Variants in UNC13A observed in about 807,000 individuals in gnomAD.
UNC13A encodes the protein unc-13 homolog A, also known as protein unc-13 homolog A.
In UNC13A, 61 loss-of-function variants were observed where a neutral mutation model predicts 219.7. That is an observed-to-expected ratio of 0.28 (90% CI 0.23 to 0.34). The LOEUF (loss-of-function observed/expected upper bound fraction) is 0.34. Among genes scored for constraint, UNC13A ranks in the 10% least tolerant of loss-of-function variants. The probability of loss-of-function intolerance (pLI) is 1.00; values close to 1 mark genes in which losing one functional copy is unlikely to be tolerated. For missense variants in UNC13A, 1,476 were observed against 2,270.3 expected (o/e 0.65, Z 7.11); for synonymous variants, 920 against 884.6 (o/e 1.04, Z -0.71).
chr19:17,609,223 G>T (rs1263669000), intron 43 of UNC13A, among the ~76,000 whole-genome samples: 2 of 151,000 alleles, frequency 1.3e-5, no homozygotes, highest in African/African-American at 4.9e-5. Context: ...GTCTGCCTCG[G>T]CGTCCCAGAG....
At position 17,652,697 on chromosome 19, in the gene UNC13A, A is replaced by G. The variant is rs764515942; in HGVS notation, c.1393-20T>C. ...CCGGGCCTGCAGGACAGACAGACAG[A>G]TATGGTCAGTGTGGCTGTCCCTCCC... On this transcript the variant is annotated intron_variant, in intron 11 of 43. Transcript: ENST00000519716. 1.2e-6 allele frequency: 2 copies of G among 1,613,354 alleles called. No individual in the cohort carries two copies. Among genetic ancestry groups the G allele is most frequent in the Non-Finnish European group, 1.7e-6 (2 of 1,179,616 alleles).
intron 28 of UNC13A, among the ~76,000 whole-genome samples, chr19:17,631,981 G>A (rs1261436644): frequency 6.6e-6 from 1 of 152,180 alleles, no homozygotes; most frequent in Non-Finnish European, 1.5e-5. Context: ...TGCAATCTCG[G>A]CTCACTGCAA....
intron 12 of UNC13A, among the ~76,000 whole-genome samples, chr19:17,650,560 C>T (rs192592725): frequency 5.6e-4 from 86 of 152,234 alleles, no homozygotes; most frequent in African/African-American, 2.1e-3. Context: ...TCATTGCAAC[C>T]TCTGCCTCCC....
intron 38 of UNC13A, among the ~76,000 whole-genome samples, 186 bp downstream of exon 38, chr19:17,620,507 C>T (rs1396265065): frequency 2.0e-5 from 3 of 151,744 alleles, no homozygotes; most frequent in African/African-American, 7.3e-5. Context: ...ACCCTCTGCC[C>T]TACCCACCAA....
Position 17,656,416 on chromosome 19 carries a change from G to C in UNC13A, c.768-18C>G, listed in dbSNP as rs1022200814. 2.0e-6 allele frequency: 3 copies of C among 1,494,528 alleles called. No individual in the cohort carries two copies. Among genetic ancestry groups the C allele is most frequent in the Admixed American group, 4.3e-5 (2 of 46,612 alleles). 92.6% of individuals were successfully genotyped at this position (1,494,528 alleles called of 1,614,324 possible). The stretch of plus-strand genomic sequence containing the variant: ...CCGTGGGGCTGTGGGGATGGAACAG[G>C]GTTCAGGGACTGGGGTACCGAGTCA... On this transcript the variant is annotated intron_variant, in intron 9 of 43. Transcript: ENST00000519716.
chr19:17,639,267 C>T, intron 24 of UNC13A, 50 bp from the exon 25 acceptor site: 1 of 1,609,076 alleles, frequency 6.2e-7, no homozygotes, highest in South Asian at 1.1e-5. Flanking sequence ...ACAGGAGGTC[C>T]CCAGGAAGTG....
At chr19:17,623,225 G>A (rs78263316) in intron 36 of UNC13A, 5,653 of 372,196 alleles carry the variant, frequency 0.015, 123 homozygotes, top group African/African-American at 0.058. Context: ...ATCTGGGCAC[G>A]GGAGCAAGGT....
chr19:17,661,081 G>A (rs186512448), intron 8 of UNC13A, among the ~76,000 whole-genome samples: 151 of 149,870 alleles, frequency 1.0e-3, no homozygotes, highest in African/African-American at 3.5e-3. Context: ...TGGGACTACA[G>A]GGGCGTGCCA....
chr19:17,639,137 C>T lies in UNC13A; in HGVS notation c.3027G>A (p.Glu1009=), dbSNP rs1331816347. 6.2e-7 allele frequency: 1 copy of T among 1,613,688 alleles called. No individual in the cohort carries two copies. The highest frequency in any genetic ancestry group is 1.1e-5 in the South Asian group (1 of 91,014). The change falls in exon 25 of 44, where the codon GAG becomes GAA. Residue 1009 remains glutamate (E), a synonymous_variant. Coordinates refer to ENST00000519716, the MANE Select transcript of UNC13A (RefSeq NM_001080421.3). ...CVKACLNSTY[E]YIFNNCHELY... is the part of the protein sequence containing the mutation. ...GTTCATGGCAGTTATTGAAGATGTACTCGTAGGTAGAATTAAGGCAGGCTT... is the reference window on the plus strand; with the variant it reads ...GTTCATGGCAGTTATTGAAGATGTATTCGTAGGTAGAATTAAGGCAGGCTT...
chr19:17,618,372 A>T, intron 40 of UNC13A, 49 bp downstream of exon 40: 1 of 1,541,640 alleles, frequency 6.5e-7, no homozygotes, highest in Non-Finnish European at 8.8e-7. Context: ...CACAGCAGCC[A>T]CACCCTCTAC....
chr19:17,663,497 T>C, intron 8 of UNC13A, 35 bp downstream of exon 8: 1 of 1,610,968 alleles, frequency 6.2e-7, no homozygotes, highest in South Asian at 1.1e-5. Flanking sequence ...CCTTCCCATG[T>C]AACTCCCAGA....
At position 17,626,795 on chromosome 19, in the gene UNC13A, C is replaced by A; in HGVS notation, c.3921-10G>T. The A allele has an allele frequency of 6.2e-7, 1 of 1,608,144 alleles. No individual in the cohort carries two copies. Among genetic ancestry groups the A allele is most frequent in the African/African-American group, 1.3e-5 (1 of 74,952 alleles). ...AATGTGCGGCTGGAAGCTGGGGACA[C>A]AGAAGGGAAGGGCTCAGACCACAGG... On this transcript the variant is annotated splice_polypyrimidine_tract_variant and intron_variant, in intron 33 of 43. Transcript: ENST00000519716.
chr19:17,632,855 T>C lies in UNC13A; in HGVS notation c.3355A>G (p.Lys1119Glu). The C allele has an allele frequency of 6.2e-7, 1 of 1,613,972 alleles. No individual in the cohort carries two copies. The highest frequency in any genetic ancestry group is 8.5e-7 in the Non-Finnish European group (1 of 1,179,890). The change falls in exon 28 of 44, where the codon AAG becomes GAG. Residue 1119 changes from lysine (K) to glutamate (E), a missense_variant. This residue lies in a region of UNC13A where 218 missense variants were observed against 409.4 expected (regional missense o/e 0.53). Coordinates refer to ENST00000519716, the MANE Select transcript of UNC13A (RefSeq NM_001080421.3). ...TACTCATTGTAGAGCCATTTCACCT[T>C]GAAGTGGAGGTTCATGTAGTCGGCA... is the stretch of plus-strand genomic sequence containing the variant. ...KSADYMNLHF[K>E]VKWLYNEYVT...
intron 36 of UNC13A, 34 bp from the exon 37 acceptor site, chr19:17,621,904 G>T: frequency 6.2e-7 from 1 of 1,612,886 alleles, no homozygotes; most frequent in Non-Finnish European, 8.5e-7. Context: ...GATCAACCTG[G>T]CAAGTCGTGC....
Position 17,655,266 on chromosome 19 carries a change from T to G in UNC13A, c.1392+8A>C. On this transcript the variant is annotated splice_region_variant and intron_variant, in intron 11 of 43. Coordinates refer to ENST00000519716, the MANE Select transcript of UNC13A (RefSeq NM_001080421.3). The stretch of plus-strand genomic sequence containing the variant: ...TGTGGCAGGGGCATGGCTGGGCGTG[T>G]CACTCACCTCCTGCAGCTGCATCCG... 1 of 1,560,734 alleles carries G rather than the reference T, an allele frequency of 6.4e-7. No homozygotes were observed. Among genetic ancestry groups the G allele is most frequent in the Non-Finnish European group, 8.7e-7 (1 of 1,155,738 alleles).
At chr19:17,643,256 C>T (rs1285630298) in intron 19 of UNC13A, among the ~76,000 whole-genome samples, 4 of 151,886 alleles carry the variant, frequency 2.6e-5, no homozygotes, top group African/African-American at 9.7e-5. Context: ...AGGTGATCCA[C>T]CTACCTCAGC....
chr19:17,648,044 G>A (rs115845598), intron 16 of UNC13A, among the ~76,000 whole-genome samples: 1,644 of 79,600 alleles, frequency 0.021, 43 homozygotes, highest in African/African-American at 0.079. Flanking sequence ...CAGTCCTCTC[G>A]CAGTCTGAAC....
In UNC13A at chr19:17,655,282, G is replaced by T. The variant is rs1440238267; in HGVS notation, c.1384C>A (p.Leu462Met). 6.4e-7 allele frequency: 1 copy of T among 1,574,020 alleles called. No individual in the cohort carries two copies. The highest frequency in any genetic ancestry group is 8.6e-7 in the Non-Finnish European group (1 of 1,161,936). Residue 462 changes from leucine (L) to methionine (M), a missense_variant, in exon 11 of 44, where the codon CTG (leucine) becomes ATG (methionine). Around this residue, in one of 14 missense-constraint regions of UNC13A, gnomAD observed 351 missense variants for 342.6 expected, o/e 1.02. Coordinates refer to ENST00000519716, the MANE Select transcript of UNC13A (RefSeq NM_001080421.3). ...CTGGGCGTGTCACTCACCTCCTGCA[G>T]CTGCATCCGCACCTTGTTGAAGGCA... is the stretch of plus-strand genomic sequence containing the variant. ...LRAFNKVRMQ[L>M]QEARGEGEMS... is the part of the protein sequence containing the mutation.
rs1336010505 is a variant in UNC13A, at chr19:17,601,961, G to A, written c.*4093C>T. 6.6e-6 allele frequency: 1 copy of A among 152,644 alleles called. No homozygotes were observed. The highest frequency in any genetic ancestry group is 2.4e-5 in the African/African-American group (1 of 41,424). The allele number at this position is 152,644 out of a possible 1,614,324, so 9.5% of individuals were successfully genotyped here. ...ACTTCCCCAGGGTGGCAGAGTTCCG[G>A]GAGGCCCCAGGTTGTCCCCATCTGC... On this transcript the variant is annotated 3_prime_UTR_variant, in exon 44 of 44. Transcript: ENST00000519716.
Sources: allele counts gnomAD v4.1 joint callset (sites outside exome capture counted in the v4.1 genomes callset), GRCh38; gene constraint gnomAD v4.1.1; regional missense constraint gnomAD v4.1.1; transcripts MANE v1.5; gene names NCBI Gene and HGNC (gene_info 2026-07-23, HGNC 2026-07-21).